DNAH14: variants seen among roughly 807,000 people sequenced by gnomAD.
The protein encoded by DNAH14 is axonemal beta dynein heavy chain 14.
In DNAH14, 478 loss-of-function variants were observed where a neutral mutation model predicts 520.9. That is an observed-to-expected ratio of 0.92 (90% CI 0.85 to 0.99). The LOEUF is 0.99. DNAH14 is among the 50% of genes least tolerant of loss of function. The pLI is 0.00. For missense variants in DNAH14, 4,831 were observed against 5,234.5 expected (o/e 0.92, Z 2.38); for synonymous variants, 1,581 against 1,757.2 (o/e 0.90, Z 2.51).
intron 27 of DNAH14, among the ~76,000 whole-genome samples, chr1:225,132,631 T>C (rs1188495596): frequency 3.9e-5 from 6 of 152,198 alleles, no homozygotes; most frequent in African/African-American, 1.4e-4. Context: ...ATGAGCATTT[T>C]TGTTGATTCC....
At chr1:225,265,124 C>A in intron 47 of DNAH14, 58 bp from the exon 48 acceptor site, 3 of 1,218,466 alleles carry the variant, frequency 2.5e-6, no homozygotes, top group East Asian at 3.0e-5. Context: ...TAAAATAAGG[C>A]AAAAATGTTC....
rs879274136 is a variant in DNAH14 at position 225,232,274 on chromosome 1, T to TACACAC, written c.6518+1124_6518+1125insCACACA. The stretch of plus-strand genomic sequence containing the variant: ...CATTATATATATAAACTGTGATATA[T>TACACAC]ATATATACACACACACACACACACA... On this transcript the variant is annotated intron_variant, in intron 42 of 85. Coordinates refer to ENST00000682510, the MANE Select transcript of DNAH14 (RefSeq NM_001367479.1). This position sits in a 1 kb window ranked among gnomAD's most constrained non-coding sequence, Gnocchi z 4.2. 2.2e-5 allele frequency among the ~76,000 whole-genome samples: 3 copies of TACACAC among 138,242 alleles called. No homozygotes were observed. Among genetic ancestry groups the TACACAC allele is most frequent in the East Asian group, 2.5e-4 (1 of 4,014 alleles). 90.7% of individuals were successfully genotyped at this position (138,242 alleles called of 152,430 possible).
In DNAH14 at chr1:225,305,100, G is replaced by A. The variant is rs1431189965; in HGVS notation, c.9005+11G>A. ...GATGCAAACAAAGAGGTAAGACTTT[G>A]AGAACAAATCATAAATATATTTTAT... On this transcript the variant is annotated intron_variant, in intron 58 of 85. Coordinates refer to ENST00000682510, the MANE Select transcript of DNAH14 (RefSeq NM_001367479.1). The A allele has an allele frequency of 4.0e-6, 6 of 1,517,572 alleles. No homozygotes were observed. In the South Asian group the frequency reaches 7.8e-5, roughly 20 times the overall value. The allele number at this position is 1,517,572 out of a possible 1,614,324, so 94.0% of individuals were successfully genotyped here.
At chr1:225,281,835 AG>A (rs1488730665) in intron 54 of DNAH14, among the ~76,000 whole-genome samples, 1 of 152,228 alleles carries the variant, frequency 6.6e-6, no homozygotes, top group Non-Finnish European at 1.5e-5. Context: ...AGATGTGATA[AG>A]ATACATAATG....
chr1:224,947,782 CA>C (rs1164003755), intron 1 of DNAH14, among the ~76,000 whole-genome samples: 1 of 151,622 alleles, frequency 6.6e-6, no homozygotes, highest in Non-Finnish European at 1.5e-5. Flanking sequence ...AATTTTCTAT[CA>C]TTTCTTTTTT....
intron 41 of DNAH14, among the ~76,000 whole-genome samples, chr1:225,222,683 C>T (rs748822182): frequency 3.3e-5 from 5 of 152,172 alleles, no homozygotes; most frequent in Non-Finnish European, 5.9e-5. Flanking sequence ...TTTTACAAAC[C>T]TCTAACTAGC....
chr1:225,277,482 C>T lies in DNAH14; in HGVS notation c.8251C>T (p.Pro2751Ser). 2.1e-6 allele frequency: 1 copy of T among 470,872 alleles called. No individual in the cohort carries two copies. Among genetic ancestry groups the T allele is most frequent in the Non-Finnish European group, 4.4e-6 (1 of 226,922 alleles). The allele number at this position is 470,872 out of a possible 1,614,324, so 29.2% of individuals were successfully genotyped here. A position where few individuals can be genotyped will look rare whatever the true frequency, so the allele number is the denominator to read the frequency against. The change falls in exon 54 of 86, where the codon CCA becomes TCA. Residue 2751 changes from proline to serine, a missense_variant. Physicochemically the swap from Pro to Ser is moderately conservative, Grantham distance 74 (BLOSUM62 -1). Transcript: ENST00000682510. Reference protein sequence around the residue: ...IIRATRVLRQPGSHMLLIGID... With the variant: ...IIRATRVLRQSGSHMLLIGID... The stretch of plus-strand genomic sequence containing the variant: ...AAGAGCAACAAGGGTTCTTCGACAA[C>T]CAGGGAGTCACATGTTACTGGTAGG...
chr1:225,240,922 A>T lies in DNAH14; in HGVS notation c.6748+100A>T, dbSNP rs555251815. 301 of 927,398 alleles carry T rather than the reference A, an allele frequency of 3.2e-4. 2 individuals carry two copies. In the African/African-American group the frequency reaches 4.6e-3, roughly 14 times the overall value. The allele number at this position is 927,398 out of a possible 1,614,324, so 57.4% of individuals were successfully genotyped here. A position where few individuals can be genotyped will look rare whatever the true frequency, so the allele number is the denominator to read the frequency against. The stretch of plus-strand genomic sequence containing the variant: ...ATTAGGTTCATCTTTTAAAATGTTA[A>T]GATTGAAGGAAAAAGAAGGTTTATA... On this transcript the variant is annotated intron_variant, in intron 43 of 85. Coordinates refer to ENST00000682510, the MANE Select transcript of DNAH14 (RefSeq NM_001367479.1).
At chr1:224,952,383 A>G (rs901713072) in intron 1 of DNAH14, among the ~76,000 whole-genome samples, 2 of 152,214 alleles carry the variant, frequency 1.3e-5, no homozygotes, top group Admixed American at 6.5e-5. Context: ...TATCTTTAGC[A>G]TGCTATTTAA....
At chr1:224,944,320 C>CT in intron 1 of DNAH14, among the ~76,000 whole-genome samples, 1 of 152,104 alleles carries the variant, frequency 6.6e-6, no homozygotes, top group African/African-American at 2.4e-5. Flanking sequence ...ATTGCAACCC[C>CT]TTTTTTTGTT....
At chr1:225,344,696 T>TTTATTTACTTAC (rs71574530) in intron 69 of DNAH14, among the ~76,000 whole-genome samples, 24 of 33,704 alleles carry the variant, frequency 7.1e-4, no homozygotes, top group African/African-American at 3.6e-3. Context: ...CATTCTTTTA[T>TTTATTTACTTAC]TTATTTATTT....
chr1:225,178,487 C>T (rs1208152277), intron 36 of DNAH14, among the ~76,000 whole-genome samples: 1 of 152,152 alleles, frequency 6.6e-6, no homozygotes, highest in Non-Finnish European at 1.5e-5. Flanking sequence ...TGGGTCCCTC[C>T]CGTAACACAT....
intron 1 of DNAH14, among the ~76,000 whole-genome samples, chr1:224,937,589 C>A (rs954371238): frequency 1.3e-5 from 2 of 151,840 alleles, no homozygotes; most frequent in African/African-American, 4.8e-5. Context: ...GCTCATGGAT[C>A]AGAAGAATTA....
At chr1:225,236,280 T>C (rs1232894327) in intron 42 of DNAH14, among the ~76,000 whole-genome samples, 3 of 152,198 alleles carry the variant, frequency 2.0e-5, no homozygotes, top group African/African-American at 7.2e-5. Flanking sequence ...AATTTCATTA[T>C]TTACCCAAGA....
chr1:224,972,853 A>C (rs982458734), intron 7 of DNAH14, among the ~76,000 whole-genome samples: 2 of 152,206 alleles, frequency 1.3e-5, no homozygotes, highest in Non-Finnish European at 2.9e-5. Flanking sequence ...ATAAAGATGA[A>C]GTGTTAACAA....
chr1:225,174,832 G>A (rs539897231), intron 36 of DNAH14, among the ~76,000 whole-genome samples: 1 of 152,186 alleles, frequency 6.6e-6, no homozygotes, highest in Admixed American at 6.5e-5. Context: ...ACTTTATTGT[G>A]TTGATGTATG....
Position 225,080,741 on chromosome 1 carries a change from A to G in DNAH14, c.3129A>G (p.Leu1043=). The change falls in exon 19 of 86, where the codon CTA becomes CTG. Residue 1043 remains leucine (L), a synonymous_variant. Coordinates refer to ENST00000682510, the MANE Select transcript of DNAH14 (RefSeq NM_001367479.1). ...VSKLMHIISV[L]EKGLPKSDMV... ...AACTGATGCACATAATCTCGGTACT[A>G]GAAAAAGGTAAAAATGTGTTTCTCA... The G allele has an allele frequency of 6.6e-7, 1 of 1,508,752 alleles. No individual in the cohort carries two copies. Among genetic ancestry groups the G allele is most frequent in the Non-Finnish European group, 8.9e-7 (1 of 1,127,918 alleles). The allele number at this position is 1,508,752 out of a possible 1,614,324, so 93.5% of individuals were successfully genotyped here. A position where few individuals can be genotyped will look rare whatever the true frequency, so the allele number is the denominator to read the frequency against.
chr1:224,977,966 A>G (rs1204366325), intron 8 of DNAH14, among the ~76,000 whole-genome samples: 2 of 152,236 alleles, frequency 1.3e-5, no homozygotes, highest in African/African-American at 4.8e-5. Context: ...ACAATGAGAT[A>G]TCACCTCACT....
Position 225,337,536 on chromosome 1 carries a change from A to G in DNAH14, c.10311+40A>G, listed in dbSNP as rs748761888. The G allele has an allele frequency of 1.4e-5, 21 of 1,489,718 alleles. No individual in the cohort carries two copies. The South Asian group carries it at 2.5e-4, about 18-fold the overall frequency. The allele number at this position is 1,489,718 out of a possible 1,614,324, so 92.3% of individuals were successfully genotyped here. A position where few individuals can be genotyped will look rare whatever the true frequency, so the allele number is the denominator to read the frequency against. On this transcript the variant is annotated intron_variant, in intron 67 of 85. Coordinates refer to ENST00000682510, the MANE Select transcript of DNAH14 (RefSeq NM_001367479.1). ...TGGCCTAATTTCCCTTGCAGCTGATACATATGTTGTATGCACTGAGCATAA... is the reference window on the plus strand; with the variant it reads ...TGGCCTAATTTCCCTTGCAGCTGATGCATATGTTGTATGCACTGAGCATAA...
Sources: gnomAD v4.1 joint callset for allele counts (sites outside exome capture counted in the v4.1 genomes callset) on GRCh38, gnomAD v4.1.1 for gene constraint, Gnocchi (gnomAD v3.1) non-coding constraint, MANE v1.5 for transcripts, NCBI Gene and HGNC (gene_info 2026-07-23, HGNC 2026-07-21) for gene names.